Variants in TNS3 observed in about 807,000 individuals in gnomAD.
TNS3 encodes the protein tensin 3.
In TNS3, 45 loss-of-function variants were observed where a neutral mutation model predicts 140.9. The observed-to-expected ratio is 0.32, with a 90% CI of 0.25 to 0.41. The LOEUF is 0.41. TNS3 is among the 10% of genes least tolerant of loss of function. The pLI is 1.00. For missense variants in TNS3, 1,716 were observed against 1,906.7 expected, an observed-to-expected ratio of 0.90 and a Z score of 1.86; for synonymous variants, 815 against 788.4, an observed-to-expected ratio of 1.03 and a Z score of -0.56.
chr7:47,396,081 T>G (rs927751884), intron 16 of TNS3, among the ~76,000 whole-genome samples: 1 of 152,194 alleles, frequency 6.6e-6, no homozygotes, highest in Non-Finnish European at 1.5e-5. Flanking sequence ...AAAAAGTGTT[T>G]TAATTTCTTT....
chr7:47,511,127 A>C (rs1413955376), intron 2 of TNS3, among the ~76,000 whole-genome samples: 1 of 152,052 alleles, frequency 6.6e-6, no homozygotes, highest in African/African-American at 2.4e-5. Flanking sequence ...CGTAGGAAAA[A>C]CTCTACTGAC....
At chr7:47,278,412 A>G (rs1044055523) in intron 30 of TNS3, 192 bp from the exon 31 acceptor site, 4 of 618,050 alleles carry the variant, frequency 6.5e-6, no homozygotes, top group Non-Finnish European at 1.1e-5. Flanking sequence ...TACAGATGGG[A>G]TGTCTGACTC....
intron 1 of TNS3, among the ~76,000 whole-genome samples, chr7:47,542,054 G>T (rs1434676774): frequency 6.6e-6 from 1 of 152,018 alleles, no homozygotes; most frequent in African/African-American, 2.4e-5. Flanking sequence ...ATGCGTCGTG[G>T]GATGGGAGAC....
intron 1 of TNS3, among the ~76,000 whole-genome samples, chr7:47,535,669 A>AG (rs1426533025): frequency 6.6e-6 from 1 of 152,224 alleles, no homozygotes. Context: ...GGACTCCCTG[A>AG]GGGGGACACA....
intron 4 of TNS3, among the ~76,000 whole-genome samples, chr7:47,463,480 G>A (rs1254315307): frequency 4.6e-5 from 7 of 152,200 alleles, no homozygotes; most frequent in Admixed American, 2.6e-4. Flanking sequence ...GAAACTCTCA[G>A]CCATTGGTGC....
chr7:47,522,183 A>T (rs1298626197), intron 2 of TNS3, among the ~76,000 whole-genome samples: 1 of 152,196 alleles, frequency 6.6e-6, no homozygotes, highest in Non-Finnish European at 1.5e-5. Flanking sequence ...GGCAAGCAGG[A>T]TCATAGATTT....
At chr7:47,404,707 A>G (rs1487776512) in intron 13 of TNS3, among the ~76,000 whole-genome samples, 5 of 152,050 alleles carry the variant, frequency 3.3e-5, no homozygotes, top group Admixed American at 2.6e-4. Flanking sequence ...TAACATGGTG[A>G]AACCCCGTCT....
chr7:47,497,915 A>AATTCAGG (rs1425486873), intron 3 of TNS3, among the ~76,000 whole-genome samples: 1 of 152,052 alleles, frequency 6.6e-6, no homozygotes. Flanking sequence ...ATCTGTTTTG[A>AATTCAGG]ATTCAGGGGC....
intron 20 of TNS3, among the ~76,000 whole-genome samples, chr7:47,344,456 C>T (rs1361650177): frequency 6.6e-6 from 1 of 152,202 alleles, no homozygotes; most frequent in Admixed American, 6.5e-5. Flanking sequence ...CTCGTTTCTT[C>T]AAAAGCACCA....
intron 16 of TNS3, among the ~76,000 whole-genome samples, chr7:47,387,118 C>T (rs945964889): frequency 6.6e-6 from 1 of 152,234 alleles, no homozygotes; most frequent in Admixed American, 6.5e-5. Context: ...TTAAACACAA[C>T]TTTAACTATC....
chr7:47,574,880 C>T (rs1800641418), intron 1 of TNS3, among the ~76,000 whole-genome samples: 1 of 152,072 alleles, frequency 6.6e-6, no homozygotes, highest in African/African-American at 2.4e-5. Flanking sequence ...GGAGTTAGTG[C>T]TTAAGGGACA....
At chr7:47,446,688 C>CTTTTTTTTTTTTTTTTTTTTTTTTTT (rs144042398) in intron 4 of TNS3, among the ~76,000 whole-genome samples, 1 of 96,678 alleles carries the variant, frequency 1.0e-5, no homozygotes, top group Non-Finnish European at 2.0e-5. Context: ...TCCAGGCTGC[C>CTTTTTTTTTTTTTTTTTTTTTTTTTT]TTTTTTTTTT....
At position 47,418,509 on chromosome 7, in the gene TNS3, C is replaced by T. The variant is rs183832789; in HGVS notation, c.474-3303G>A. Among the ~76,000 whole-genome samples the T allele has an allele frequency of 1.2e-3, 184 of 152,272 alleles. 1 individual carries two copies. The highest frequency in any genetic ancestry group is 3.8e-3 in the African/African-American group (159 of 41,566). Reference sequence around the variant, plus strand: ...ACAGCCTTATCCAAAATAAAATGTTCCTACTTAGTCAACACAGTTTTCAGA... The same window carrying T: ...ACAGCCTTATCCAAAATAAAATGTTTCTACTTAGTCAACACAGTTTTCAGA... On this transcript the variant is annotated intron_variant, in intron 10 of 30. Transcript: ENST00000311160.
intron 3 of TNS3, among the ~76,000 whole-genome samples, chr7:47,501,170 A>G (rs1798202605): frequency 1.0e-5 from 1 of 96,728 alleles, no homozygotes; most frequent in African/African-American, 3.7e-5. Context: ...GAAAGGGAGG[A>G]AGAGAGGAAG....
intron 3 of TNS3, among the ~76,000 whole-genome samples, chr7:47,496,991 T>C (rs1798036990): frequency 6.6e-6 from 1 of 152,024 alleles, no homozygotes; most frequent in African/African-American, 2.4e-5. Context: ...TGGATTCCAG[T>C]GTCAGAAAAT....
At chr7:47,518,784 T>C (rs1017941149) in intron 2 of TNS3, among the ~76,000 whole-genome samples, 2 of 152,200 alleles carry the variant, frequency 1.3e-5, no homozygotes, top group South Asian at 4.1e-4. Context: ...ACACAACCCC[T>C]TGATGAGTAT....
At chr7:47,346,823 A>G (rs1789373803) in intron 17 of TNS3, among the ~76,000 whole-genome samples, 1 of 152,168 alleles carries the variant, frequency 6.6e-6, no homozygotes, top group Non-Finnish European at 1.5e-5. Context: ...TGATAATTTG[A>G]ATCTTAGCAA....
intron 16 of TNS3, among the ~76,000 whole-genome samples, chr7:47,372,549 G>T (rs750893816): frequency 2.2e-4 from 33 of 152,128 alleles, no homozygotes; most frequent in Admixed American, 3.9e-4. Flanking sequence ...CCCTCTCCTG[G>T]GGGGAGGGTA....
intron 1 of TNS3, among the ~76,000 whole-genome samples, chr7:47,570,023 G>A (rs1002646696): frequency 3.0e-4 from 45 of 148,140 alleles, no homozygotes; most frequent in East Asian, 1.4e-3. Context: ...GGTGGCAGGC[G>A]CCTATAATCC....
Sources: gnomAD v4.1 joint callset for allele counts (sites outside exome capture counted in the v4.1 genomes callset) on GRCh38, gnomAD v4.1.1 for gene constraint, MANE v1.5 for transcripts, NCBI Gene and HGNC (gene_info 2026-07-23, HGNC 2026-07-21) for gene names.